Variants in KDM1A observed in about 807,000 individuals in gnomAD.
The protein encoded by KDM1A is lysine-specific histone demethylase 1A.
In KDM1A, 49 loss-of-function variants were observed where a neutral mutation model predicts 109.4. The ratio of observed to expected loss-of-function variants is 0.45; its 90% CI spans 0.36 to 0.57. The LOEUF is 0.57. Ranked by LOEUF, KDM1A falls within the 20% of genes least tolerant of loss-of-function variation. KDM1A has a pLI of 0.00. For missense variants in KDM1A, 668 were observed against 1,116.6 expected, an observed-to-expected ratio of 0.60 and a Z score of 5.73; for synonymous variants, 380 against 415.4, an observed-to-expected ratio of 0.91 and a Z score of 1.04.
chr1:23,068,784 CTTAA>C, intron 11 of KDM1A, 103 bp downstream of exon 11: 2 of 1,048,014 alleles, frequency 1.9e-6, no homozygotes, highest in Non-Finnish European at 2.6e-6. Flanking sequence ...GTAGTTTTTA[CTTAA>C]TTTTGTATGA....
intron 2 of KDM1A, 153 bp from the exon 3 acceptor site, chr1:23,044,274 C>T (rs777824037): frequency 2.6e-5 from 17 of 654,040 alleles, no homozygotes; most frequent in Non-Finnish European, 4.3e-5. Flanking sequence ...TGATGTAATT[C>T]CCTGGGCCTT....
intron 15 of KDM1A, among the ~76,000 whole-genome samples, chr1:23,076,378 CT>C (rs1200458519): frequency 6.6e-6 from 1 of 151,912 alleles, no homozygotes; most frequent in African/African-American, 2.4e-5. Flanking sequence ...TTGGGCCACT[CT>C]TTATGGTCCT....
intron 3 of KDM1A, among the ~76,000 whole-genome samples, chr1:23,046,349 A>C (rs193129818): frequency 6.6e-6 from 1 of 152,184 alleles, no homozygotes; most frequent in East Asian, 1.9e-4. Flanking sequence ...ATTTTAAAAC[A>C]TTCTAGGACT....
intron 2 of KDM1A, among the ~76,000 whole-genome samples, chr1:23,039,163 T>G (rs1318529874): frequency 6.6e-6 from 1 of 152,236 alleles, no homozygotes; most frequent in East Asian, 1.9e-4. Flanking sequence ...CCAACCATCT[T>G]TAGAACATTT....
intron 1 of KDM1A, among the ~76,000 whole-genome samples, chr1:23,023,974 T>C (rs1332128849): frequency 6.6e-6 from 1 of 152,176 alleles, no homozygotes; most frequent in Non-Finnish European, 1.5e-5. Flanking sequence ...CTCAGCCTCC[T>C]GAGTAGCTGG....
At chr1:23,071,480 C>T (rs1643318660) in intron 13 of KDM1A, 121 bp downstream of exon 13, 2 of 870,588 alleles carry the variant, frequency 2.3e-6, no homozygotes, top group Non-Finnish European at 3.5e-6. Context: ...GCAATGAAGA[C>T]GATTTGGTAC....
At chr1:23,077,868 T>G (rs1484310163) in intron 16 of KDM1A, among the ~76,000 whole-genome samples, 1 of 152,240 alleles carries the variant, frequency 6.6e-6, no homozygotes, top group African/African-American at 2.4e-5. Context: ...CGCTTACGTT[T>G]GGTTCCTAGT....
In KDM1A at chr1:23,083,294, T is replaced by G; in HGVS notation, c.2561T>G (p.Leu854Trp). 2.5e-6 allele frequency: 4 copies of G among 1,613,964 alleles called. No homozygotes were observed. The highest frequency in any genetic ancestry group is 3.4e-6 in the Non-Finnish European group (4 of 1,179,976). Residue 854 changes from leucine (L) to tryptophan (W), a missense_variant, in exon 21 of 21, where the codon TTG (leucine) becomes TGG (tryptophan). Leu to Trp is a moderately conservative substitution (Grantham distance 61). Transcript: ENST00000400181. Reference protein sequence around the residue: ...REAGRIADQFLGAMYTLPRQA... With the variant: ...REAGRIADQFWGAMYTLPRQA... ...GCGGGAAGAATTGCAGACCAGTTTT[T>G]GGGGGCCATGTATACGCTGCCTCGC...
chr1:23,081,742 A>C (rs1643626012), intron 19 of KDM1A, 169 bp downstream of exon 19: 19 of 723,640 alleles, frequency 2.6e-5, no homozygotes, highest in Non-Finnish European at 3.0e-5. Context: ...GGTTCAGAAA[A>C]CCCCCCAGGA....
chr1:23,075,518 C>T (rs984711050), intron 15 of KDM1A, among the ~76,000 whole-genome samples: 22 of 149,806 alleles, frequency 1.5e-4, no homozygotes, highest in African/African-American at 4.7e-4. Context: ...CTGCAGTGAG[C>T]GGAGATCGCG....
intron 15 of KDM1A, among the ~76,000 whole-genome samples, chr1:23,074,504 A>C (rs934970217): frequency 1.3e-5 from 2 of 152,120 alleles, no homozygotes; most frequent in Admixed American, 6.5e-5. Flanking sequence ...TGGTGTGATC[A>C]TGGCTCCCTT....
At chr1:23,070,723 G>C (rs1173018520) in intron 12 of KDM1A, among the ~76,000 whole-genome samples, 1 of 150,514 alleles carries the variant, frequency 6.6e-6, no homozygotes, top group African/African-American at 2.4e-5. Flanking sequence ...CAGGAGAATG[G>C]CGTGAACCCA....
At chr1:23,065,624 C>G (rs1361077291) in intron 9 of KDM1A, among the ~76,000 whole-genome samples, 1 of 152,142 alleles carries the variant, frequency 6.6e-6, no homozygotes, top group Admixed American at 6.5e-5. Context: ...AACTGAGCCT[C>G]GGGTTAGAAT....
chr1:23,034,149 G>T (rs968191283), intron 2 of KDM1A, among the ~76,000 whole-genome samples: 51 of 151,868 alleles, frequency 3.4e-4, no homozygotes, highest in African/African-American at 1.2e-3. Flanking sequence ...GTAAATAATG[G>T]ATTTTTCATA....
intron 14 of KDM1A, 77 bp downstream of exon 14, chr1:23,072,274 A>C: frequency 1.0e-6 from 1 of 1,004,318 alleles, no homozygotes; most frequent in Non-Finnish European, 1.5e-6. Context: ...GAAAATTCTA[A>C]ATCATAATGA....
intron 13 of KDM1A, among the ~76,000 whole-genome samples, chr1:23,071,866 A>T (rs1643330264): frequency 6.6e-6 from 1 of 152,180 alleles, no homozygotes; most frequent in Non-Finnish European, 1.5e-5. Flanking sequence ...CCCACTTTGC[A>T]GCACACTAGT....
At chr1:23,023,271 C>G (rs1477417400) in intron 1 of KDM1A, among the ~76,000 whole-genome samples, 1 of 152,166 alleles carries the variant, frequency 6.6e-6, no homozygotes, top group Non-Finnish European at 1.5e-5. Flanking sequence ...GGTGTTATAT[C>G]TAATAAACCA....
intron 10 of KDM1A, among the ~76,000 whole-genome samples, chr1:23,066,442 G>A (rs1224340351): frequency 2.6e-5 from 4 of 152,170 alleles, no homozygotes; most frequent in Non-Finnish European, 5.9e-5. Flanking sequence ...CCTGAGTGCT[G>A]TGTACTTTTT....
intron 12 of KDM1A, among the ~76,000 whole-genome samples, chr1:23,070,849 C>T (rs555331546): frequency 9.2e-5 from 14 of 151,932 alleles, no homozygotes; most frequent in African/African-American, 3.1e-4. Context: ...AATTTGTTTC[C>T]GAAAATAAGT....
Sources: allele counts gnomAD v4.1 joint callset (sites outside exome capture counted in the v4.1 genomes callset), GRCh38; gene constraint gnomAD v4.1.1; transcripts MANE v1.5; gene names NCBI Gene and HGNC (gene_info 2026-07-23, HGNC 2026-07-21).